AATF: variants seen among roughly 807,000 people sequenced by gnomAD.
AATF encodes apoptosis antagonizing transcription factor.
AATF carries 48 observed loss-of-function variants against 63.7 expected under a neutral mutation model. That is an observed-to-expected ratio of 0.75 (90% CI 0.60 to 0.96). The LOEUF is 0.96. Ranked by LOEUF, AATF falls within the 40% of genes least tolerant of loss-of-function variation. The pLI is 0.00. For missense variants in AATF, 639 were observed against 685.7 expected (o/e 0.93, Z 0.76); for synonymous variants, 258 against 247.7 (o/e 1.04, Z -0.39).
intron 4 of AATF, 84 bp downstream of exon 4, chr17:36,953,991 G>A: frequency 6.9e-7 from 1 of 1,445,070 alleles, no homozygotes; most frequent in South Asian, 1.3e-5. Flanking sequence ...CTGGGAGCTT[G>A]AGCCATGTTT....
At chr17:36,985,763 C>A (rs1567973859) in intron 4 of AATF, among the ~76,000 whole-genome samples, 1 of 151,568 alleles carries the variant, frequency 6.6e-6, no homozygotes. Flanking sequence ...GTTGGCTAGG[C>A]TGGTCTCAAA....
chr17:37,055,741 C>T (rs1013121809), intron 11 of AATF: 2 of 152,284 alleles, frequency 1.3e-5, no homozygotes, highest in African/African-American at 4.8e-5. Flanking sequence ...ACGCCCACCT[C>T]CCTGATGACA....
At chr17:36,954,925 C>CTA (rs1161012202) in intron 4 of AATF, among the ~76,000 whole-genome samples, 1 of 151,924 alleles carries the variant, frequency 6.6e-6, no homozygotes, top group African/African-American at 2.4e-5. Context: ...ATATCTATAT[C>CTA]TAGATATTCA....
intron 4 of AATF, among the ~76,000 whole-genome samples, chr17:36,954,913 ATATATC>A (rs905558167): frequency 6.6e-6 from 1 of 152,166 alleles, no homozygotes; most frequent in Non-Finnish European, 1.5e-5. Flanking sequence ...TGGGATCTGT[ATATATC>A]TATATCTAGA....
At chr17:37,054,869 T>A (rs2071785109) in intron 11 of AATF, 1 of 152,234 alleles carries the variant, frequency 6.6e-6, no homozygotes, top group East Asian at 1.9e-4. Flanking sequence ...TTCACGCCAT[T>A]TAATTTTTTG....
intron 4 of AATF, among the ~76,000 whole-genome samples, chr17:36,959,008 T>TGGTGGC (rs1346071855): frequency 2.0e-5 from 3 of 151,540 alleles, no homozygotes; most frequent in African/African-American, 7.3e-5. Flanking sequence ...TAGCTGGGTG[T>TGGTGGC]GGTGGCGGGC....
intron 11 of AATF, among the ~76,000 whole-genome samples, chr17:37,035,241 C>T (rs2071582283): frequency 6.6e-6 from 1 of 150,928 alleles, no homozygotes; most frequent in South Asian, 2.1e-4. Context: ...TTTTTTGAGA[C>T]AGAGTTTTGC....
chr17:36,985,881 A>G (rs2071165329), intron 4 of AATF, among the ~76,000 whole-genome samples: 1 of 152,156 alleles, frequency 6.6e-6, no homozygotes, highest in South Asian at 2.1e-4. Context: ...TTTTATCCGT[A>G]GACTATATAC....
chr17:37,019,011 C>T lies in AATF; in HGVS notation c.1405C>T (p.Arg469Ter), dbSNP rs759338868. 7 of 1,613,960 alleles carry T rather than the reference C, an allele frequency of 4.3e-6. No homozygotes were observed. The highest frequency in any genetic ancestry group is 1.3e-5 in the African/African-American group (1 of 75,040). The stretch of plus-strand genomic sequence containing the variant: ...GCTTTCCTTTTTCCCCTAGCTCCTT[C>T]GAGAACTCATAGAACGGAAGACCAG... ...DDDDFYHQLLRELIERKTSSL... is the reference protein window; with the variant it reads ...DDDDFYHQLL The change falls in exon 9 of 12, where the codon CGA (arginine) becomes TGA (stop). Residue 469 changes from arginine (R) to a stop codon, truncating the protein, a stop_gained. Coordinates refer to ENST00000619387, the MANE Select transcript of AATF (RefSeq NM_012138.4). LOFTEE classifies it high-confidence loss of function.
chr17:37,034,398 TA>T (rs1255785979), intron 11 of AATF, among the ~76,000 whole-genome samples: 1 of 152,178 alleles, frequency 6.6e-6, no homozygotes, highest in Non-Finnish European at 1.5e-5. Context: ...AAAGTGGAAG[TA>T]ACCTAGTACC....
At chr17:37,031,314 T>C (rs1379876677) in intron 10 of AATF, 1 of 413,320 alleles carries the variant, frequency 2.4e-6, no homozygotes, top group Admixed American at 3.6e-5. Context: ...GAATTAAGTA[T>C]ATGGGAGCAT....
At chr17:37,048,714 A>G (rs1567998118) in intron 11 of AATF, among the ~76,000 whole-genome samples, 1 of 152,164 alleles carries the variant, frequency 6.6e-6, no homozygotes, top group Non-Finnish European at 1.5e-5. Flanking sequence ...GTCTGAGCCC[A>G]TTCCCGTGAC....
At chr17:36,970,093 A>G (rs147127422) in intron 4 of AATF, among the ~76,000 whole-genome samples, 1 of 152,156 alleles carries the variant, frequency 6.6e-6, no homozygotes, top group Non-Finnish European at 1.5e-5. Context: ...ATTTGTATAG[A>G]TGTTTTTATA....
intron 4 of AATF, among the ~76,000 whole-genome samples, chr17:36,976,199 A>G (rs2071078649): frequency 6.6e-6 from 1 of 152,240 alleles, no homozygotes; most frequent in Non-Finnish European, 1.5e-5. Context: ...GTTTTGATAC[A>G]TAACCCTCAA....
intron 1 of AATF, 71 bp from the exon 2 acceptor site, chr17:36,950,143 G>A (rs2070841745): frequency 2.6e-6 from 4 of 1,531,086 alleles, no homozygotes; most frequent in Non-Finnish European, 2.7e-6. Context: ...AGATAAATGG[G>A]TCGACCAGGG....
chr17:36,997,264 A>G (rs1412919680), intron 8 of AATF, among the ~76,000 whole-genome samples: 1 of 152,208 alleles, frequency 6.6e-6, no homozygotes, highest in Non-Finnish European at 1.5e-5. Context: ...GATTTAGCAA[A>G]GAAAGGGGAA....
intron 8 of AATF, among the ~76,000 whole-genome samples, chr17:37,007,222 C>G (rs2071347867): frequency 6.6e-6 from 1 of 152,126 alleles, no homozygotes; most frequent in Admixed American, 6.5e-5. Context: ...GGGTCTCACT[C>G]TGTCACCCAG....
chr17:36,981,355 G>T (rs2071121938), intron 4 of AATF, among the ~76,000 whole-genome samples: 2 of 152,052 alleles, frequency 1.3e-5, no homozygotes, highest in Non-Finnish European at 2.9e-5. Flanking sequence ...TCTCTGGGTG[G>T]TTGTTGATTT....
chr17:36,982,233 G>GTTTTTTTTTTTTTT (rs61030839), intron 4 of AATF, among the ~76,000 whole-genome samples: 1 of 121,760 alleles, frequency 8.2e-6, no homozygotes, highest in African/African-American at 2.9e-5. Context: ...TTTTTGTTTT[G>GTTTTTTTTTTTTTT]TTTTTTTTTT....
Sources: allele counts gnomAD v4.1 joint callset (sites outside exome capture counted in the v4.1 genomes callset), GRCh38; gene constraint gnomAD v4.1.1; transcripts MANE v1.5; gene names NCBI Gene and HGNC (gene_info 2026-07-23, HGNC 2026-07-21).